KIAA1217: variants seen among roughly 807,000 people sequenced by gnomAD.
KIAA1217 encodes the protein sickle tail protein homolog.
In KIAA1217, 88 loss-of-function variants were observed where a neutral mutation model predicts 163.9. The ratio of observed to expected loss-of-function variants is 0.54; its 90% CI spans 0.45 to 0.64. The LOEUF is 0.64. KIAA1217 is among the 30% of genes least tolerant of loss of function. The pLI, the probability that KIAA1217 is intolerant of heterozygous loss-of-function variation, is 0.00. For synonymous variants in KIAA1217, 903 were observed against 923.1 expected, an observed-to-expected ratio of 0.98 and a Z score of 0.39; for missense variants, 2,372 against 2,475.0, an observed-to-expected ratio of 0.96 and a Z score of 0.88.
intron 5 of KIAA1217, among the ~76,000 whole-genome samples, chr10:24,441,786 A>C (rs1364948713): frequency 6.6e-6 from 1 of 152,164 alleles, no homozygotes; most frequent in Non-Finnish European, 1.5e-5. Flanking sequence ...CCCTTTTGCA[A>C]AATTTATATA....
At chr10:24,544,562 G>A (rs565220806) in intron 19 of KIAA1217, 81 bp downstream of exon 19, 289 of 1,461,508 alleles carry the variant, frequency 2.0e-4, no homozygotes, top group Non-Finnish European at 2.3e-4. Flanking sequence ...AAGGTGTCTT[G>A]TAACTTAATT....
chr10:24,364,260 T>G (rs1254915344), intron 2 of KIAA1217, among the ~76,000 whole-genome samples: 1 of 152,210 alleles, frequency 6.6e-6, no homozygotes, highest in East Asian at 1.9e-4. Flanking sequence ...ATTACAGGCG[T>G]GAGCCACCGC....
At chr10:24,184,360 A>C in intron 2 of KIAA1217, among the ~76,000 whole-genome samples, 1 of 152,186 alleles carries the variant, frequency 6.6e-6, no homozygotes, top group East Asian at 1.9e-4. Flanking sequence ...GTTGTACCTT[A>C]ATCTGCTTTT....
At chr10:23,764,827 A>G (rs1480916168) in intron 1 of KIAA1217, among the ~76,000 whole-genome samples, 1 of 152,070 alleles carries the variant, frequency 6.6e-6, no homozygotes, top group African/African-American at 2.4e-5. Flanking sequence ...AACTTGGAGG[A>G]TGGGTCAATA....
At chr10:24,065,660 G>A (rs1033599115) in intron 2 of KIAA1217, among the ~76,000 whole-genome samples, 2 of 152,278 alleles carry the variant, frequency 1.3e-5, no homozygotes, top group African/African-American at 4.8e-5. Context: ...TATTAGGTCT[G>A]ACTGGTGCAG....
At chr10:24,422,108 C>G (rs2058780341) in intron 3 of KIAA1217, among the ~76,000 whole-genome samples, 1 of 152,030 alleles carries the variant, frequency 6.6e-6, no homozygotes, top group African/African-American at 2.4e-5. Context: ...TGTAGGGGAA[C>G]TCCCTTTTAT....
chr10:23,764,659 C>G (rs952710401), intron 1 of KIAA1217, among the ~76,000 whole-genome samples: 1 of 152,114 alleles, frequency 6.6e-6, no homozygotes, highest in Admixed American at 6.5e-5. Context: ...ATGGATGAAG[C>G]TGGAAGCCAT....
chr10:24,273,843 A>T (rs896371477), intron 2 of KIAA1217, among the ~76,000 whole-genome samples: 1 of 148,692 alleles, frequency 6.7e-6, no homozygotes, highest in African/African-American at 2.5e-5. Context: ...ACAGAACAAG[A>T]CTCTGTCTCA....
At chr10:24,536,280 G>A (rs952888724) in intron 16 of KIAA1217, among the ~76,000 whole-genome samples, 2 of 152,120 alleles carry the variant, frequency 1.3e-5, no homozygotes, top group Non-Finnish European at 2.9e-5. Context: ...TCGGAGCGCG[G>A]TAGTACCTGT....
chr10:24,507,131 A>G (rs35813806), intron 9 of KIAA1217, among the ~76,000 whole-genome samples: 4,712 of 152,272 alleles, frequency 0.031, 113 homozygotes, highest in Middle Eastern at 0.044. Flanking sequence ...CCCAGAGGAA[A>G]GACTACCCTT....
chr10:24,482,370 T>C (rs2064826886), intron 6 of KIAA1217: 1 of 152,146 alleles, frequency 6.6e-6, no homozygotes, highest in East Asian at 1.9e-4. Context: ...GAGATTCAGA[T>C]AACTCGGTCC....
At chr10:24,056,256 A>G (rs11013867) in intron 2 of KIAA1217, among the ~76,000 whole-genome samples, 13,968 of 152,018 alleles carry the variant, frequency 0.092, 964 homozygotes, top group African/African-American at 0.19. Context: ...TGAGCCTGGG[A>G]GATGGAGGTC....
intron 17 of KIAA1217, among the ~76,000 whole-genome samples, chr10:24,541,650 T>C (rs1301571599): frequency 3.3e-5 from 5 of 152,044 alleles, no homozygotes; most frequent in East Asian, 1.9e-4. Context: ...GCATCACTAG[T>C]GTTAGTGTTA....
chr10:24,183,879 G>A (rs1010853610), intron 2 of KIAA1217, among the ~76,000 whole-genome samples: 1 of 152,124 alleles, frequency 6.6e-6, no homozygotes, highest in Non-Finnish European at 1.5e-5. Context: ...CAACTGCCAG[G>A]TCTCTTCAAA....
chr10:24,149,805 T>A (rs1171531996), intron 2 of KIAA1217, among the ~76,000 whole-genome samples: 1 of 152,178 alleles, frequency 6.6e-6, no homozygotes, highest in Non-Finnish European at 1.5e-5. Context: ...ATATCCCAGT[T>A]ACCCTGATTT....
At chr10:24,374,442 G>A (rs1278557633) in intron 2 of KIAA1217, among the ~76,000 whole-genome samples, 2 of 152,070 alleles carry the variant, frequency 1.3e-5, no homozygotes, top group Non-Finnish European at 2.9e-5. Flanking sequence ...ACCCTCTAGC[G>A]CCTGCACCCA....
chr10:23,799,561 A>G (rs934590193), intron 1 of KIAA1217, among the ~76,000 whole-genome samples: 3 of 152,150 alleles, frequency 2.0e-5, no homozygotes, highest in African/African-American at 7.2e-5. Flanking sequence ...TGCTTCTACC[A>G]ACATGGGATT....
intron 1 of KIAA1217, among the ~76,000 whole-genome samples, chr10:23,920,579 G>A (rs141931632): frequency 6.6e-5 from 10 of 152,282 alleles, no homozygotes; most frequent in South Asian, 2.1e-4. Flanking sequence ...AAGACATTAA[G>A]GCTAATTCCT....
rs561172871 is a variant in KIAA1217, at chr10:23,996,632, A to C, written c.-320-10593A>C. On this transcript the variant is annotated intron_variant, in intron 1 of 18. Transcript: ENST00000376462. ...GTACTTGAAAACTGCATTTTCCATG[A>C]AGATCCTAAGTCATAAAACAACCAT... Among the ~76,000 whole-genome samples, 49 of 152,352 alleles carry C rather than the reference A, an allele frequency of 3.2e-4. No individual in the cohort carries two copies. The South Asian group carries it at 9.3e-3, about 29-fold the overall frequency.
Sources: allele counts gnomAD v4.1 joint callset (sites outside exome capture counted in the v4.1 genomes callset), GRCh38; gene constraint gnomAD v4.1.1; transcripts MANE v1.5; gene names NCBI Gene and HGNC (gene_info 2026-07-23, HGNC 2026-07-21).